The following APAF1 variants were observed in gnomAD, a reference collection of about 807,000 sequenced individuals.
The protein encoded by APAF1 is apoptotic peptidase activating factor 1.
In APAF1, 91 loss-of-function variants were observed where a neutral mutation model predicts 152.4. The observed-to-expected ratio is 0.60, with a 90% CI of 0.50 to 0.71. The LOEUF is 0.71. Among genes scored for constraint, APAF1 ranks in the 30% least tolerant of loss-of-function variants. The probability of loss-of-function intolerance (pLI) is 0.00; values close to 1 mark genes in which losing one functional copy is unlikely to be tolerated. For missense variants in APAF1, 1,283 were observed against 1,472.0 expected, an observed-to-expected ratio of 0.87 and a Z score of 2.10; for synonymous variants, 484 against 494.1, an observed-to-expected ratio of 0.98 and a Z score of 0.27.
At position 98,648,582 on chromosome 12, in the gene APAF1, A is replaced by G. The variant is rs746026740; in HGVS notation, c.139-44A>G. ...ACTGGTCTCCACTACTTTATGTTGCATACATATTCATTGTTGTATACTAAA... is the reference window on the plus strand; with the variant it reads ...ACTGGTCTCCACTACTTTATGTTGCGTACATATTCATTGTTGTATACTAAA... On this transcript the variant is annotated intron_variant, in intron 2 of 26. Transcript: ENST00000551964. 3 of 1,610,092 alleles carry G rather than the reference A, an allele frequency of 1.9e-6. No homozygotes were observed. The East Asian group carries it at 6.7e-5, about 36-fold the overall frequency.
Position 98,683,268 on chromosome 12 carries a change from C to G in APAF1, c.2172C>G (p.Phe724Leu). Residue 724 changes from phenylalanine to leucine, a missense_variant, in exon 15 of 27, where the codon TTC (phenylalanine) becomes TTG (leucine). Phe to Leu is a conservative substitution (Grantham distance 22, BLOSUM62 0). Coordinates refer to ENST00000551964, the MANE Select transcript of APAF1 (RefSeq NM_181861.2). ...LLLATGSSDC[F>L]LKLWDLNQKE... is the part of the protein sequence containing the mutation. ...TAGCCACTGGGTCAAGTGACTGCTT[C>G]CTCAAAGTAAGTGTGGATATTGAGA... The G allele has an allele frequency of 6.2e-7, 1 of 1,613,830 alleles. No individual in the cohort carries two copies.
In APAF1 at chr12:98,735,362, G is replaced by T. The variant is rs1401400045; in HGVS notation, c.*2796G>T. The stretch of plus-strand genomic sequence containing the variant: ...ATAGCTTATATGATTTTTTTGCCTT[G>T]GTATACATTTTAAAATATGAATTTA... On this transcript the variant is annotated 3_prime_UTR_variant, in exon 27 of 27. Coordinates refer to ENST00000551964, the MANE Select transcript of APAF1 (RefSeq NM_181861.2). 4.7e-6 allele frequency: 2 copies of T among 426,366 alleles called. No individual in the cohort carries two copies. The highest frequency in any genetic ancestry group is 7.5e-5 in the South Asian group (1 of 13,318). 26.4% of individuals were successfully genotyped at this position (426,366 alleles called of 1,614,324 possible). A position where few individuals can be genotyped will look rare whatever the true frequency, so the allele number is the denominator to read the frequency against.
intron 4 of APAF1, among the ~76,000 whole-genome samples, chr12:98,653,691 A>ACTAT (rs1429273147): frequency 6.6e-5 from 1 of 15,090 alleles, no homozygotes; most frequent in African/African-American, 2.0e-4. Context: ...AAAAAAAAAA[A>ACTAT]ATATATATAT....
chr12:98,684,610 C>T (rs1187568107), intron 15 of APAF1, among the ~76,000 whole-genome samples: 1 of 150,936 alleles, frequency 6.6e-6, no homozygotes, highest in African/African-American at 2.4e-5. Context: ...AAGGACCCTG[C>T]AGAGCACAAT....
At chr12:98,730,434 T>C (rs2097759015) in intron 26 of APAF1, among the ~76,000 whole-genome samples, 2 of 152,216 alleles carry the variant, frequency 1.3e-5, no homozygotes, top group South Asian at 4.1e-4. Flanking sequence ...CAGAATTCCA[T>C]CACATAATTG....
chr12:98,653,071 A>G (rs1056197939), intron 4 of APAF1, among the ~76,000 whole-genome samples: 1 of 151,906 alleles, frequency 6.6e-6, no homozygotes, highest in Non-Finnish European at 1.5e-5. Context: ...GTTTTGTTCA[A>G]GTAGTCCTAT....
chr12:98,680,091 A>G (rs2097690736), intron 13 of APAF1, among the ~76,000 whole-genome samples, 186 bp from the exon 14 acceptor site: 1 of 152,248 alleles, frequency 6.6e-6, no homozygotes, highest in African/African-American at 2.4e-5. Context: ...GTAACAGTGA[A>G]TAGTTCTCTA....
At chr12:98,721,918 C>A (rs1242511098) in intron 22 of APAF1, among the ~76,000 whole-genome samples, 1 of 152,222 alleles carries the variant, frequency 6.6e-6, no homozygotes, top group African/African-American at 2.4e-5. Flanking sequence ...CAGAATGTTA[C>A]TCATGTGCAT....
chr12:98,688,267 CCTTT>C (rs1292289859), intron 16 of APAF1, among the ~76,000 whole-genome samples: 6 of 152,040 alleles, frequency 3.9e-5, no homozygotes, highest in African/African-American at 1.4e-4. Flanking sequence ...TATTGACTGT[CCTTT>C]CTTTCTTTGG....
intron 1 of APAF1, 107 bp from the exon 2 acceptor site, chr12:98,648,212 G>GA (rs915275883): frequency 3.0e-5 from 35 of 1,158,106 alleles, no homozygotes; most frequent in Admixed American, 6.3e-5. Flanking sequence ...TTTTGCCAAG[G>GA]AAAAAAAATC....
Position 98,699,552 on chromosome 12 carries a change from G to A in APAF1, c.2449G>A (p.Ala817Thr). ...SADGARIMVA[A>T]KNKIFLFDIH... ...TGATGGTGCAAGGATAATGGTGGCAGCAAAAAATAAAATCTTTGTAAGTAC... is the reference window on the plus strand; with the variant it reads ...TGATGGTGCAAGGATAATGGTGGCAACAAAAAATAAAATCTTTGTAAGTAC... Residue 817 changes from alanine (A) to threonine (T), a missense_variant, in exon 17 of 27, where the codon GCA (alanine) becomes ACA (threonine). Ala to Thr is a moderately conservative substitution (Grantham distance 58). Coordinates refer to ENST00000551964, the MANE Select transcript of APAF1 (RefSeq NM_181861.2). The A allele has an allele frequency of 1.2e-6, 2 of 1,613,968 alleles. No homozygotes were observed. Among genetic ancestry groups the A allele is most frequent in the East Asian group, 2.2e-5 (1 of 44,880 alleles).
Position 98,649,582 on chromosome 12 carries a change from A to C in APAF1, c.424A>C (p.Lys142Gln). 6.2e-7 allele frequency: 1 copy of C among 1,614,250 alleles called. No homozygotes were observed. Among genetic ancestry groups the C allele is most frequent in the East Asian group, 2.2e-5 (1 of 44,882 alleles). ...GAATGCAATTCAGCAGAAGCTCTCC[A>C]AATTGAAAGGTGAACCAGGATGGGT... ...LVNAIQQKLS[K>Q]LKGEPGWVTI... The change falls in exon 4 of 27, where the codon AAA becomes CAA. Residue 142 changes from lysine (K) to glutamine (Q), a missense_variant. Lys to Gln is a moderately conservative substitution (Grantham distance 53). Coordinates refer to ENST00000551964, the MANE Select transcript of APAF1 (RefSeq NM_181861.2).
intron 17 of APAF1, among the ~76,000 whole-genome samples, chr12:98,702,055 A>G (rs1029220792): frequency 1.3e-5 from 2 of 152,028 alleles, no homozygotes; most frequent in Non-Finnish European, 2.9e-5. Flanking sequence ...TGCAGGGACT[A>G]TGCATTCACT....
intron 26 of APAF1, among the ~76,000 whole-genome samples, chr12:98,729,687 T>C (rs1004284172): frequency 1.3e-5 from 2 of 152,242 alleles, no homozygotes; most frequent in Admixed American, 6.5e-5. Flanking sequence ...ACTGAAAACA[T>C]TCAAGTGTAG....
At chr12:98,713,306 A>C (rs933760194) in intron 21 of APAF1, among the ~76,000 whole-genome samples, 5 of 152,300 alleles carry the variant, frequency 3.3e-5, no homozygotes, top group Admixed American at 1.3e-4. Flanking sequence ...ACATATATCA[A>C]ATACTATCTA....
chr12:98,716,929 G>A lies in APAF1; in HGVS notation c.3084+1377G>A, dbSNP rs1426771656. Among the ~76,000 whole-genome samples the A allele has an allele frequency of 5.3e-5, 8 of 151,828 alleles. No homozygotes were observed. In the East Asian group the frequency reaches 1.2e-3, roughly 22 times the overall value. On this transcript the variant is annotated intron_variant, in intron 22 of 26. Transcript: ENST00000551964. Reference sequence around the variant, plus strand: ...CACCCAGGCTGGAGTGCAGTGGCGCGATCTTGGCTCACTGTAACCTCTGCC... The same window carrying A: ...CACCCAGGCTGGAGTGCAGTGGCGCAATCTTGGCTCACTGTAACCTCTGCC...
intron 16 of APAF1, among the ~76,000 whole-genome samples, chr12:98,689,456 G>GTGTC (rs1309862986): frequency 6.8e-6 from 1 of 146,328 alleles, no homozygotes; most frequent in African/African-American, 2.6e-5. Context: ...GAGAGAGAGA[G>GTGTC]AGAGAGAGTG....
intron 25 of APAF1, 148 bp from the exon 26 acceptor site, chr12:98,727,025 T>A (rs557148770): frequency 1.5e-6 from 1 of 670,762 alleles, no homozygotes; most frequent in Non-Finnish European, 2.5e-6. Context: ...TGGAAATAAA[T>A]GGCAATATTA....
intron 4 of APAF1, among the ~76,000 whole-genome samples, chr12:98,656,873 T>C (rs1207403445): frequency 1.3e-5 from 2 of 152,238 alleles, no homozygotes; most frequent in African/African-American, 2.4e-5. Context: ...AGCTGAATGC[T>C]TTGAGGTTCA....
Sources: allele counts gnomAD v4.1 joint callset (sites outside exome capture counted in the v4.1 genomes callset), GRCh38; gene constraint gnomAD v4.1.1; transcripts MANE v1.5; gene names NCBI Gene and HGNC (gene_info 2026-07-23, HGNC 2026-07-21).